Variants in MDGA2 observed in about 807,000 individuals in gnomAD.
MDGA2 encodes MAM domain containing glycosylphosphatidylinositol anchor 2.
A neutral mutation model predicts 117.8 loss-of-function variants in MDGA2; 40 were observed. The ratio of observed to expected loss-of-function variants is 0.34; its 90% CI spans 0.26 to 0.44. The LOEUF is 0.44. MDGA2 is among the 20% of genes least tolerant of loss of function. The pLI is 1.00. For missense variants in MDGA2, 1,123 were observed against 1,250.6 expected (o/e 0.90, Z 1.54); for synonymous variants, 452 against 439.0 (o/e 1.03, Z -0.37).
At chr14:47,579,138 T>A (rs1896181252) in intron 1 of MDGA2, among the ~76,000 whole-genome samples, 1 of 152,136 alleles carries the variant, frequency 6.6e-6, no homozygotes, top group African/African-American at 2.4e-5. Context: ...ACTAACCTCT[T>A]TTCCAAATGA....
chr14:46,874,901 A>G (rs1295567179), intron 12 of MDGA2, among the ~76,000 whole-genome samples: 2 of 151,694 alleles, frequency 1.3e-5, no homozygotes, highest in African/African-American at 4.8e-5. Context: ...TATCCCTGAA[A>G]TGTGGGTGGT....
At chr14:47,041,319 A>G (rs1421514449) in intron 7 of MDGA2, among the ~76,000 whole-genome samples, 1 of 152,090 alleles carries the variant, frequency 6.6e-6, no homozygotes, top group Non-Finnish European at 1.5e-5. Flanking sequence ...TAATTTTATC[A>G]TTTGGTTTTT....
At chr14:47,427,497 C>T (rs1892714754) in intron 1 of MDGA2, among the ~76,000 whole-genome samples, 1 of 149,480 alleles carries the variant, frequency 6.7e-6, no homozygotes, top group Non-Finnish European at 1.5e-5. Context: ...GGACCAGGTT[C>T]TCCATGTCAT....
chr14:47,155,067 G>A (rs948614949), intron 3 of MDGA2, among the ~76,000 whole-genome samples: 1 of 152,124 alleles, frequency 6.6e-6, no homozygotes, highest in Non-Finnish European at 1.5e-5. Flanking sequence ...GCTACACACT[G>A]TGGGTCTCCT....
At chr14:46,944,874 C>G (rs1276685050) in intron 9 of MDGA2, among the ~76,000 whole-genome samples, 1 of 151,918 alleles carries the variant, frequency 6.6e-6, no homozygotes, top group Non-Finnish European at 1.5e-5. Context: ...AACATATTTT[C>G]CCATAATACT....
At chr14:46,929,623 A>ATATATG (rs1176680165) in intron 9 of MDGA2, among the ~76,000 whole-genome samples, 1 of 24,464 alleles carries the variant, frequency 4.1e-5, no homozygotes, top group Non-Finnish European at 8.6e-5. Context: ...ATATATATAT[A>ATATATG]TATATATATA....
chr14:47,519,951 T>A (rs1894835695), intron 1 of MDGA2, among the ~76,000 whole-genome samples: 1 of 152,168 alleles, frequency 6.6e-6, no homozygotes, highest in Admixed American at 6.6e-5. Flanking sequence ...CTCCTCTCCA[T>A]GAAGCCAGAT....
intron 3 of MDGA2, among the ~76,000 whole-genome samples, chr14:47,183,139 T>C (rs370924581): frequency 6.6e-6 from 1 of 152,176 alleles, no homozygotes; most frequent in Non-Finnish European, 1.5e-5. Context: ...GGCTCATCCC[T>C]GTTTTTCCAG....
chr14:46,947,315 A>G (rs35442204), intron 9 of MDGA2, among the ~76,000 whole-genome samples: 35,867 of 152,034 alleles, frequency 0.24, 4,995 homozygotes, highest in Non-Finnish European at 0.3. Context: ...AATCCTGTAT[A>G]AATTATCTGC....
chr14:47,590,761 CATAA>C (rs1455759023), intron 1 of MDGA2, among the ~76,000 whole-genome samples: 1 of 151,772 alleles, frequency 6.6e-6, no homozygotes, highest in African/African-American at 2.4e-5. Flanking sequence ...TCATGTACCC[CATAA>C]ATATACAAGC....
intron 10 of MDGA2, among the ~76,000 whole-genome samples, chr14:46,883,119 A>G (rs1882529509): frequency 6.6e-6 from 1 of 152,060 alleles, no homozygotes; most frequent in Non-Finnish European, 1.5e-5. Context: ...CTCTCCAGCT[A>G]TGTTATTTAA....
intron 5 of MDGA2, among the ~76,000 whole-genome samples, chr14:47,120,707 T>C (rs1247380857): frequency 6.6e-6 from 1 of 152,126 alleles, no homozygotes; most frequent in Non-Finnish European, 1.5e-5. Flanking sequence ...AGATGTACAG[T>C]TAAAGGTTGA....
intron 5 of MDGA2, among the ~76,000 whole-genome samples, chr14:47,111,084 T>C (rs1881011934): frequency 3.3e-5 from 5 of 152,180 alleles, no homozygotes; most frequent in Admixed American, 3.3e-4. Flanking sequence ...ATTATAGCCC[T>C]TAAAATGTCC....
chr14:47,141,374 C>A (rs1198420545), intron 4 of MDGA2, among the ~76,000 whole-genome samples: 2 of 151,864 alleles, frequency 1.3e-5, no homozygotes, highest in African/African-American at 4.8e-5. Context: ...TCACAATAGA[C>A]AAAATATGGA....
chr14:46,985,649 C>T (rs796909452), intron 8 of MDGA2, among the ~76,000 whole-genome samples: 2 of 152,166 alleles, frequency 1.3e-5, no homozygotes, highest in African/African-American at 4.8e-5. Context: ...CTTATCCTGA[C>T]AACTGAGCAA....
chr14:47,511,203 T>C (rs1176393550), intron 1 of MDGA2, among the ~76,000 whole-genome samples: 1 of 152,130 alleles, frequency 6.6e-6, no homozygotes, highest in East Asian at 1.9e-4. Context: ...AATGAATTAA[T>C]GAATGAAGGA....
intron 9 of MDGA2, among the ~76,000 whole-genome samples, chr14:46,939,118 A>G (rs1471336499): frequency 6.6e-6 from 1 of 152,182 alleles, no homozygotes; most frequent in Non-Finnish European, 1.5e-5. Context: ...GTGGGGGGGT[A>G]GTTGAGAAGG....
chr14:47,256,787 CAGAA>C (rs1221974813), intron 2 of MDGA2, among the ~76,000 whole-genome samples: 1 of 144,494 alleles, frequency 6.9e-6, no homozygotes, highest in Admixed American at 7.1e-5. Context: ...AAATTAGAGC[CAGAA>C]AGAAAGAGAG....
intron 1 of MDGA2, among the ~76,000 whole-genome samples, chr14:47,311,719 A>C (rs2139843870): frequency 6.6e-6 from 1 of 152,176 alleles, no homozygotes; most frequent in East Asian, 1.9e-4. Context: ...CCTCTCTAAA[A>C]CCCTGAAGAT....
Sources: allele counts gnomAD v4.1 joint callset (sites outside exome capture counted in the v4.1 genomes callset), GRCh38; gene constraint gnomAD v4.1.1; transcripts MANE v1.5; gene names NCBI Gene and HGNC (gene_info 2026-07-23, HGNC 2026-07-21).